Variants in MYLK4 observed in about 807,000 individuals in gnomAD.
The protein encoded by MYLK4 is caMLCK like.
In MYLK4, 46 loss-of-function variants were observed where a neutral mutation model predicts 48.1. The observed-to-expected ratio is 0.96, with a 90% CI of 0.75 to 1.22. The LOEUF (loss-of-function observed/expected upper bound fraction) is 1.22, where lower values mean the gene tolerates loss of function less well. Among genes scored for constraint, MYLK4 ranks in the 50% most tolerant of loss-of-function variants. The pLI is 0.00. For synonymous variants in MYLK4, 170 were observed against 180.8 expected (o/e 0.94, Z 0.48); for missense variants, 451 against 486.1 (o/e 0.93, Z 0.68).
At chr6:2,767,618 G>A in the MYLK4 span, among the ~76,000 whole-genome samples, 3 of 152,354 alleles carry the variant, frequency 2.0e-5, no homozygotes, top group South Asian at 6.2e-4. Context: ...CATGGATTTA[G>A]TTGTTAACCC....
chr6:2,703,538 G>T (rs1394721604), intron 2 of MYLK4, among the ~76,000 whole-genome samples: 3 of 152,112 alleles, frequency 2.0e-5, no homozygotes, highest in Non-Finnish European at 2.9e-5. Context: ...TGAAGCCCAA[G>T]GACATTTTTC....
chr6:2,730,614 ATTT>A (rs1308808847), intron 2 of MYLK4, among the ~76,000 whole-genome samples: 2 of 152,202 alleles, frequency 1.3e-5, no homozygotes, highest in Admixed American at 6.5e-5. Context: ...CTAATGAAAC[ATTT>A]AAAAATCCAG....
At position 2,665,230 on chromosome 6, in the gene MYLK4, C is replaced by G. The variant is rs898275480; in HGVS notation, c.*2695G>C. The G allele has an allele frequency of 2.6e-5, 4 of 152,418 alleles. No homozygotes were observed. Among genetic ancestry groups the G allele is most frequent in the Admixed American group, 1.3e-4 (2 of 15,286 alleles). 9.4% of individuals were successfully genotyped at this position (152,418 alleles called of 1,614,324 possible). On this transcript the variant is annotated 3_prime_UTR_variant, in exon 13 of 13. Transcript: ENST00000274643. ...TGATTCCTCGGCTTTGCAAAGCCCC[C>G]TTTCCCCATTAGAGCAGCAGTCTAC...
chr6:2,727,645 A>G (rs928673612), intron 2 of MYLK4, among the ~76,000 whole-genome samples: 1 of 152,150 alleles, frequency 6.6e-6, no homozygotes, highest in African/African-American at 2.4e-5. Flanking sequence ...GACGGTTCAT[A>G]TCTCATCATC....
intron 1 of MYLK4, among the ~76,000 whole-genome samples, chr6:2,749,801 C>T (rs1329529928): frequency 6.6e-6 from 1 of 152,168 alleles, no homozygotes; most frequent in Non-Finnish European, 1.5e-5. Context: ...TCTGCTTCCC[C>T]TGGCCTCCCT....
At chr6:2,762,573 T>C in the MYLK4 span, among the ~76,000 whole-genome samples, 1 of 152,246 alleles carries the variant, frequency 6.6e-6, no homozygotes, top group Non-Finnish European at 1.5e-5. Context: ...CTTGAAAACC[T>C]TGCTTTGAGA....
At chr6:2,768,214 C>G in the MYLK4 span, among the ~76,000 whole-genome samples, 1 of 152,170 alleles carries the variant, frequency 6.6e-6, no homozygotes, top group South Asian at 2.1e-4. Context: ...GGTCTCAAGG[C>G]AAATGCTCCC....
intron 2 of MYLK4, among the ~76,000 whole-genome samples, chr6:2,722,668 T>C (rs999263292): frequency 2.0e-5 from 3 of 152,024 alleles, no homozygotes; most frequent in Non-Finnish European, 2.9e-5. Flanking sequence ...TTTAGACACA[T>C]GGAGGTAAAT....
At chr6:2,765,724 G>C in the MYLK4 span, 4 of 1,534,764 alleles carry the variant, frequency 2.6e-6, no homozygotes, top group Non-Finnish European at 3.5e-6. Context: ...ACATCAACTC[G>C]CACCTGGACC....
At chr6:2,768,718 A>AACAG in the MYLK4 span, 1 of 1,612,286 alleles carries the variant, frequency 6.2e-7, no homozygotes, top group Non-Finnish European at 8.5e-7. Flanking sequence ...CATAGCCAGC[A>AACAG]ACAGCAAGAA....
At chr6:2,734,144 C>A (rs1330998126) in intron 2 of MYLK4, among the ~76,000 whole-genome samples, 1 of 152,230 alleles carries the variant, frequency 6.6e-6, no homozygotes, top group Non-Finnish European at 1.5e-5. Context: ...GCCACACGTA[C>A]TCATGTCTGC....
intron 12 of MYLK4, among the ~76,000 whole-genome samples, chr6:2,669,665 G>A (rs576039107): frequency 2.8e-4 from 43 of 152,282 alleles, no homozygotes; most frequent in Non-Finnish European, 4.6e-4. Context: ...AGGAACTGAC[G>A]GTGCAGGACT....
chr6:2,696,614 T>C (rs2113196167), intron 2 of MYLK4, among the ~76,000 whole-genome samples: 1 of 152,362 alleles, frequency 6.6e-6, no homozygotes, highest in East Asian at 1.9e-4. Context: ...AAATGTTTGT[T>C]GTTTAAACCA....
chr6:2,766,058 G>T, the MYLK4 span: 2 of 1,293,644 alleles, frequency 1.5e-6, no homozygotes, highest in Non-Finnish European at 9.8e-7. Context: ...GCCGGCGGCC[G>T]CCGCCGCGGC....
At chr6:2,683,391 T>TGTGTGTGTGTG (rs1761397470) in intron 6 of MYLK4, among the ~76,000 whole-genome samples, 6 of 126,582 alleles carry the variant, frequency 4.7e-5, no homozygotes, top group Admixed American at 2.6e-4. Context: ...CCCCACCTTT[T>TGTGTGTGTGTG]TGTGTGTGTG....
In MYLK4 at chr6:2,740,975, A is replaced by G. The variant is rs1053142618; in HGVS notation, c.159+8161T>C. ...TGCAAGAGACTTTAGGTGGTTTTAG[A>G]TCATACAGTAACAAACCGTTTTTAA... On this transcript the variant is annotated intron_variant, in intron 2 of 12. Coordinates refer to ENST00000274643, the MANE Select transcript of MYLK4 (RefSeq NM_001012418.5). Among the ~76,000 whole-genome samples the G allele has an allele frequency of 5.9e-5, 9 of 152,368 alleles. No homozygotes were observed. The East Asian group carries it at 1.7e-3, about 29-fold the overall frequency.
chr6:2,678,352 A>C lies in MYLK4; in HGVS notation c.908T>G (p.Phe303Cys). 1 of 1,613,984 alleles carries C rather than the reference A, an allele frequency of 6.2e-7. No individual in the cohort carries two copies. Among genetic ancestry groups the C allele is most frequent in the Non-Finnish European group, 8.5e-7 (1 of 1,180,012 alleles). ...CGTCTCAGCATCATTGTCACCCAGG[A>C]AAGGCGACAAACCGCTAAGTCTGGA... is the stretch of plus-strand genomic sequence containing the variant. ...AYMLLSGLSPFLGDNDAETLN... is the reference protein window; with the variant it reads ...AYMLLSGLSPCLGDNDAETLN... The change falls in exon 10 of 13, where the codon TTC becomes TGC. Residue 303 changes from phenylalanine (F) to cysteine (C), a missense_variant. Transcript: ENST00000274643.
upstream of MYLK4, among the ~76,000 whole-genome samples, chr6:2,752,058 T>G (rs1764304087): frequency 6.6e-6 from 1 of 152,196 alleles, no homozygotes; most frequent in African/African-American, 2.4e-5. Flanking sequence ...AAGATGTGTG[T>G]GGGCTGCTGC....
chr6:2,699,287 C>CTTTTCTT lies in MYLK4; in HGVS notation c.160-6429_160-6428insAAGAAAA, dbSNP rs1193027641. On this transcript the variant is annotated intron_variant, in intron 2 of 12. Transcript: ENST00000274643. ...CATGCTACCACTTTTCTTTTCTTTT[C>CTTTTCTT]TTTTTTTTTTTTTTTTTTTTTTGAT... 2.1e-4 allele frequency among the ~76,000 whole-genome samples: 16 copies of CTTTTCTT among 77,904 alleles called. 1 individual carries two copies. The South Asian group carries it at 3.8e-3, about 18-fold the overall frequency. 51.1% of individuals were successfully genotyped at this position (77,904 alleles called of 152,430 possible). A position where few individuals can be genotyped will look rare whatever the true frequency, so the allele number is the denominator to read the frequency against.
Sources: allele counts gnomAD v4.1 joint callset (sites outside exome capture counted in the v4.1 genomes callset), GRCh38; gene constraint gnomAD v4.1.1; transcripts MANE v1.5; gene names NCBI Gene and HGNC (gene_info 2026-07-23, HGNC 2026-07-21).